Variants in SND1 observed in about 807,000 individuals in gnomAD.
SND1 encodes staphylococcal nuclease domain-containing protein 1.
SND1 carries 38 observed loss-of-function variants against 121.7 expected under a neutral mutation model. That is an observed-to-expected ratio of 0.31 (90% CI 0.24 to 0.41). The LOEUF is 0.41. SND1 is among the 10% of genes least tolerant of loss of function. SND1 has a pLI of 1.00. For synonymous variants in SND1, 401 were observed against 447.4 expected (o/e 0.90, Z 1.31); for missense variants, 868 against 1,184.6 (o/e 0.73, Z 3.92).
chr7:127,920,402 G>T (rs1800676004), intron 14 of SND1, among the ~76,000 whole-genome samples: 1 of 152,158 alleles, frequency 6.6e-6, no homozygotes, highest in Non-Finnish European at 1.5e-5. Flanking sequence ...CCCTGCAGAG[G>T]TCGCAGGAGG....
At chr7:127,821,612 A>G (rs1798550619) in intron 11 of SND1, among the ~76,000 whole-genome samples, 1 of 152,032 alleles carries the variant, frequency 6.6e-6, no homozygotes, top group African/African-American at 2.4e-5. Context: ...ATTTTTTTAA[A>G]TTTAGTTTTT....
chr7:127,851,457 G>A (rs757400743), intron 12 of SND1, among the ~76,000 whole-genome samples: 5 of 152,180 alleles, frequency 3.3e-5, no homozygotes, highest in South Asian at 2.1e-4. Flanking sequence ...TCAAGGAGAT[G>A]TCTTCAACTT....
chr7:127,739,435 G>T (rs533502575), intron 10 of SND1, among the ~76,000 whole-genome samples: 1 of 152,166 alleles, frequency 6.6e-6, no homozygotes, highest in Admixed American at 6.5e-5. Context: ...CTAGTGCTGG[G>T]TGCTTTCTGA....
At position 127,929,233 on chromosome 7, in the gene SND1, G is replaced by C; in HGVS notation, c.1573G>C (p.Gly525Arg). 1 of 1,614,112 alleles carries C rather than the reference G, an allele frequency of 6.2e-7. No homozygotes were observed. The highest frequency in any genetic ancestry group is 8.5e-7 in the Non-Finnish European group (1 of 1,179,952). Residue 525 changes from glycine (G) to arginine (R), a missense_variant, in exon 15 of 24, where the codon GGT becomes CGT. Gly to Arg is a moderately radical substitution (Grantham distance 125, BLOSUM62 -2). This residue lies in a region of SND1 where 743 missense variants were observed against 1,071.3 expected (regional missense o/e 0.69). Transcript: ENST00000354725. ...GTTCCTGCCTTTTCTTCAGCGGGCA[G>C]GTCGTTCTGAAGCTGTGGTGGAATA... is the stretch of plus-strand genomic sequence containing the variant. ...KQFLPFLQRA[G>R]RSEAVVEYVF...
At chr7:127,706,439 TA>T (rs1796201806) in intron 8 of SND1, among the ~76,000 whole-genome samples, 1 of 151,958 alleles carries the variant, frequency 6.6e-6, no homozygotes, top group South Asian at 2.1e-4. Flanking sequence ...TTTTGTATTT[TA>T]GTGGAGACTG....
chr7:127,988,941 A>G (rs1451073903), intron 15 of SND1, among the ~76,000 whole-genome samples: 2 of 152,190 alleles, frequency 1.3e-5, no homozygotes, highest in African/African-American at 4.8e-5. Flanking sequence ...AAGATTGTTC[A>G]ATGGAATTGT....
chr7:127,654,153 ATGCTGGAGGCTTTTAGGG>A (rs770177804), intron 1 of SND1, among the ~76,000 whole-genome samples: 45 of 152,228 alleles, frequency 3.0e-4, no homozygotes, highest in Admixed American at 2.0e-4. Flanking sequence ...GTTTCCGCCA[ATGCTGGAGGCTTTTAGGG>A]CATCTGGATT....
chr7:127,888,117 TGAGAA>T, intron 13 of SND1, 105 bp downstream of exon 13: 1 of 633,792 alleles, frequency 1.6e-6, no homozygotes, highest in Non-Finnish European at 2.8e-6. Flanking sequence ...AATAATATGC[TGAGAA>T]AGCATGTATT....
intron 12 of SND1, among the ~76,000 whole-genome samples, chr7:127,869,383 G>A (rs1395915960): frequency 6.6e-6 from 1 of 152,138 alleles, no homozygotes; most frequent in Non-Finnish European, 1.5e-5. Context: ...GAGTGAGACA[G>A]GAGCCACTAC....
chr7:127,877,929 CA>C (rs150250542), intron 12 of SND1, among the ~76,000 whole-genome samples: 2,025 of 152,114 alleles, frequency 0.013, 47 homozygotes, highest in African/African-American at 0.047. Flanking sequence ...TATTTGTCTA[CA>C]AAAAAGTCTT....
At chr7:127,786,989 A>C (rs761402432) in intron 10 of SND1, among the ~76,000 whole-genome samples, 1 of 152,170 alleles carries the variant, frequency 6.6e-6, no homozygotes, top group Admixed American at 6.5e-5. Flanking sequence ...AACTACAAGG[A>C]AGTTTGGAAT....
At chr7:127,834,873 G>C (rs1238117356) in intron 11 of SND1, among the ~76,000 whole-genome samples, 1 of 152,114 alleles carries the variant, frequency 6.6e-6, no homozygotes, top group East Asian at 1.9e-4. Context: ...CCTTGTCTGA[G>C]TGACTTCTTG....
At chr7:127,719,553 C>G (rs1453012179) in intron 9 of SND1, among the ~76,000 whole-genome samples, 1 of 152,096 alleles carries the variant, frequency 6.6e-6, no homozygotes, top group East Asian at 1.9e-4. Flanking sequence ...TTCTGGCTCT[C>G]TGGGTTTTAG....
chr7:128,057,629 A>G (rs959431011), intron 16 of SND1, among the ~76,000 whole-genome samples: 7 of 152,182 alleles, frequency 4.6e-5, no homozygotes, highest in Non-Finnish European at 8.8e-5. Flanking sequence ...AAGCACAAAG[A>G]TAGCAAATGC....
At chr7:127,660,838 C>T (rs1209606924) in intron 1 of SND1, among the ~76,000 whole-genome samples, 2 of 152,016 alleles carry the variant, frequency 1.3e-5, no homozygotes, top group Non-Finnish European at 2.9e-5. Flanking sequence ...GAAAGGAGCC[C>T]AGTGATTTCC....
At chr7:127,890,077 A>G (rs1171113235) in intron 13 of SND1, among the ~76,000 whole-genome samples, 1 of 152,020 alleles carries the variant, frequency 6.6e-6, no homozygotes, top group African/African-American at 2.4e-5. Context: ...TGGTAGCTCT[A>G]TTTTTAGTTT....
chr7:127,955,675 G>C (rs968817350), intron 15 of SND1, among the ~76,000 whole-genome samples: 3 of 152,208 alleles, frequency 2.0e-5, no homozygotes, highest in African/African-American at 7.2e-5. Flanking sequence ...GCAATCCTTG[G>C]GGTCTATAGA....
At chr7:127,903,732 A>AC (rs1421088466) in intron 13 of SND1, among the ~76,000 whole-genome samples, 3 of 152,150 alleles carry the variant, frequency 2.0e-5, no homozygotes, top group Non-Finnish European at 4.4e-5. Context: ...TGTGTCCTCT[A>AC]CCTCTGCTCC....
In SND1 at chr7:128,085,284, C is replaced by T. The variant is rs1021917357; in HGVS notation, c.2235-427C>T. ...CAGTGCTCACAGGCCGGAAGAAGGT[C>T]GCTGATGTGTAATCTACCAAGGGAG... On this transcript the variant is annotated intron_variant, in intron 19 of 23. Coordinates refer to ENST00000354725, the MANE Select transcript of SND1 (RefSeq NM_014390.4). The surrounding 1 kb of genome is among the most constrained non-coding windows in gnomAD (Gnocchi z 4.4). 6.6e-6 allele frequency among the ~76,000 whole-genome samples: 1 copy of T among 152,146 alleles called. No homozygotes were observed. The highest frequency in any genetic ancestry group is 2.4e-5 in the African/African-American group (1 of 41,438).
Sources: allele counts gnomAD v4.1 joint callset (sites outside exome capture counted in the v4.1 genomes callset), GRCh38; gene constraint gnomAD v4.1.1; regional missense constraint gnomAD v4.1.1; non-coding constraint Gnocchi (gnomAD v3.1); transcripts MANE v1.5; gene names NCBI Gene and HGNC (gene_info 2026-07-23, HGNC 2026-07-21).